The following MAF variants were observed in gnomAD, a reference collection of about 807,000 sequenced individuals.
The protein encoded by MAF is transcription factor Maf.
Under a neutral mutation model 22.0 loss-of-function variants are expected in MAF, and 10 were observed. The ratio of observed to expected loss-of-function variants is 0.45; its 90% confidence interval spans 0.28 to 0.77. The LOEUF is 0.77. Ranked by LOEUF, MAF falls within the 30% of genes least tolerant of loss-of-function variation. The pLI is 0.12. For missense variants in MAF, 544 were observed against 548.4 expected (o/e 0.99, Z 0.08); for synonymous variants, 337 against 255.8 (o/e 1.32, Z -3.03).
At chr16:79,426,444 TA>T in the MAF span, among the ~76,000 whole-genome samples, 1 of 152,230 alleles carries the variant, frequency 6.6e-6, no homozygotes. Context: ...GACAATTACA[TA>T]AGAGTATTTG....
chr16:79,422,864 A>T, the MAF span, among the ~76,000 whole-genome samples: 1 of 152,192 alleles, frequency 6.6e-6, no homozygotes, highest in Non-Finnish European at 1.5e-5. Context: ...GGAATAAAAG[A>T]GGTAAGGTCT....
the MAF span, among the ~76,000 whole-genome samples, chr16:79,526,375 C>A: frequency 1.3e-5 from 2 of 152,190 alleles, no homozygotes; most frequent in African/African-American, 4.8e-5. Context: ...GATGCTGCTG[C>A]TGATTTGACG....
At chr16:79,547,904 G>GAGAGAGAGAGAGAGAC in the MAF span, among the ~76,000 whole-genome samples, 30,998 of 134,520 alleles carry the variant, frequency 0.23, 3,885 homozygotes, top group Non-Finnish European at 0.29. Context: ...GTGTGTGTGA[G>GAGAGAGAGAGAGAGAC]AGAGAGAGAG....
the MAF span, among the ~76,000 whole-genome samples, chr16:79,556,231 C>T: frequency 2.2e-4 from 33 of 152,274 alleles, no homozygotes; most frequent in Admixed American, 8.5e-4. Context: ...TCAATAATAT[C>T]AAATACCACT....
chr16:79,560,140 G>A, the MAF span, among the ~76,000 whole-genome samples: 2 of 151,900 alleles, frequency 1.3e-5, no homozygotes, highest in Non-Finnish European at 2.9e-5. Context: ...TGAACCCCTG[G>A]CCTCAAGCAA....
the MAF span, among the ~76,000 whole-genome samples, chr16:79,400,302 T>A: frequency 1.3e-5 from 2 of 152,208 alleles, no homozygotes; most frequent in African/African-American, 2.4e-5. Context: ...AGATCAACCA[T>A]TTATTTTCAA....
chr16:79,475,902 A>G, the MAF span, among the ~76,000 whole-genome samples: 1 of 152,310 alleles, frequency 6.6e-6, no homozygotes, highest in Non-Finnish European at 1.5e-5. Context: ...GAGTGGGGTC[A>G]GGGCCTGTGA....
chr16:79,334,268 C>T, the MAF span, among the ~76,000 whole-genome samples: 2 of 152,178 alleles, frequency 1.3e-5, no homozygotes, highest in Non-Finnish European at 2.9e-5. Context: ...ACAGCGACGG[C>T]AAAGAAGGGC....
chr16:79,596,155 A>C, intron 1 of MAF: 1 of 1,063,026 alleles, frequency 9.4e-7, no homozygotes, highest in Non-Finnish European at 1.1e-6. Flanking sequence ...GCTCCTGATC[A>C]GAAGTGTAGG....
the MAF span, among the ~76,000 whole-genome samples, chr16:79,435,663 C>T: frequency 2.0e-5 from 3 of 152,170 alleles, no homozygotes; most frequent in African/African-American, 7.2e-5. Flanking sequence ...CAGGGCATTT[C>T]TATGTTCTCC....
chr16:79,394,630 T>G, the MAF span, among the ~76,000 whole-genome samples: 2 of 152,076 alleles, frequency 1.3e-5, no homozygotes, highest in African/African-American at 4.8e-5. Context: ...CATAAGGGGT[T>G]TGGAGGATTT....
the MAF span, among the ~76,000 whole-genome samples, chr16:79,363,595 G>C: frequency 1.3e-5 from 2 of 152,166 alleles, no homozygotes; most frequent in African/African-American, 2.4e-5. Flanking sequence ...CCATTTTAAA[G>C]TTGAAATATT....
the MAF span, among the ~76,000 whole-genome samples, chr16:79,381,855 A>G: frequency 1.3e-5 from 2 of 152,156 alleles, no homozygotes. Flanking sequence ...TTGAACTCAG[A>G]GCTCTTGAAC....
At chr16:79,397,831 C>T in the MAF span, among the ~76,000 whole-genome samples, 1 of 152,346 alleles carries the variant, frequency 6.6e-6, no homozygotes, top group East Asian at 1.9e-4. Context: ...ACCTGAGGCA[C>T]CTCTGGCCAT....
chr16:79,434,999 G>A, the MAF span, among the ~76,000 whole-genome samples: 2 of 152,246 alleles, frequency 1.3e-5, no homozygotes, highest in African/African-American at 2.4e-5. Context: ...CTGCTTATCT[G>A]TTGGGAGTGA....
the MAF span, among the ~76,000 whole-genome samples, chr16:79,330,009 G>A: frequency 3.3e-5 from 5 of 151,552 alleles, no homozygotes; most frequent in Middle Eastern, 3.5e-3. Context: ...CTAATCAATT[G>A]GCAAAAATTC....
At chr16:79,491,079 C>T in the MAF span, among the ~76,000 whole-genome samples, 149 of 152,084 alleles carry the variant, frequency 9.8e-4, no homozygotes, top group African/African-American at 2.8e-3. Flanking sequence ...AAGGATAGAA[C>T]GGAAAGGGAA....
chr16:79,312,647 G>A, the MAF span, among the ~76,000 whole-genome samples: 3 of 152,220 alleles, frequency 2.0e-5, no homozygotes, highest in South Asian at 4.1e-4. Flanking sequence ...AAGGAAACAC[G>A]TCAGTTATCA....
At chr16:79,276,993 T>C in the MAF span, among the ~76,000 whole-genome samples, 1 of 152,114 alleles carries the variant, frequency 6.6e-6, no homozygotes, top group African/African-American at 2.4e-5. Flanking sequence ...CTCATGGTGT[T>C]TTCTCTTCTG....
Sources: gnomAD v4.1 joint callset for allele counts (sites outside exome capture counted in the v4.1 genomes callset) on GRCh38, gnomAD v4.1.1 for gene constraint, MANE v1.5 for transcripts, NCBI Gene and HGNC (gene_info 2026-07-23, HGNC 2026-07-21) for gene names.